Variants in PTPRD observed in about 807,000 individuals in gnomAD.
PTPRD encodes the protein receptor-type tyrosine-protein phosphatase delta.
Under a neutral mutation model 214.5 loss-of-function variants are expected in PTPRD, and 34 were observed. The ratio of observed to expected loss-of-function variants is 0.16; its 90% CI spans 0.12 to 0.21. The LOEUF (loss-of-function observed/expected upper bound fraction) is 0.21, where lower values mean the gene tolerates loss of function less well. Ranked by LOEUF, PTPRD falls within the 10% of genes least tolerant of loss-of-function variation. PTPRD has a pLI of 1.00. For missense variants in PTPRD, 2,545 were observed against 2,398.7 expected, an observed-to-expected ratio of 1.06 and a Z score of -1.27; for synonymous variants, 1,128 against 845.7, an observed-to-expected ratio of 1.33 and a Z score of -5.79.
chr9:10,387,522 G>T (rs139903798), intron 2 of PTPRD, among the ~76,000 whole-genome samples: 1 of 151,784 alleles, frequency 6.6e-6, no homozygotes, highest in Non-Finnish European at 1.5e-5. Flanking sequence ...TCTGGCAATG[G>T]ACCTGGCCTC....
At chr9:8,446,494 C>G (rs2095732630) in intron 34 of PTPRD, among the ~76,000 whole-genome samples, 1 of 152,162 alleles carries the variant, frequency 6.6e-6, no homozygotes, top group Admixed American at 6.5e-5. Flanking sequence ...TCATAACAGA[C>G]CCATCAGAAG....
intron 3 of PTPRD, among the ~76,000 whole-genome samples, chr9:10,239,841 G>C (rs1182074548): frequency 6.6e-6 from 1 of 151,834 alleles, no homozygotes; most frequent in African/African-American, 2.4e-5. Flanking sequence ...TTGCCCCTCA[G>C]TCTCCCCTGA....
At chr9:8,348,298 T>C (rs1004680521) in intron 39 of PTPRD, among the ~76,000 whole-genome samples, 1 of 152,172 alleles carries the variant, frequency 6.6e-6, no homozygotes, top group Admixed American at 6.5e-5. Flanking sequence ...GATGCATCTA[T>C]TGGTTGGCTG....
At chr9:8,714,843 T>C (rs375656425) in intron 12 of PTPRD, among the ~76,000 whole-genome samples, 2 of 152,162 alleles carry the variant, frequency 1.3e-5, no homozygotes, top group African/African-American at 2.4e-5. Context: ...TTTGAACACA[T>C]AATATACTTT....
intron 9 of PTPRD, among the ~76,000 whole-genome samples, chr9:9,345,830 T>C (rs1227155915): frequency 1.3e-5 from 2 of 152,168 alleles, no homozygotes; most frequent in African/African-American, 4.8e-5. Flanking sequence ...AACATTAGGT[T>C]ATTGTGATGA....
chr9:10,014,169 C>G (rs917911940), intron 4 of PTPRD, among the ~76,000 whole-genome samples: 1 of 151,828 alleles, frequency 6.6e-6, no homozygotes, highest in Non-Finnish European at 1.5e-5. Flanking sequence ...TAATACAAAC[C>G]AATTTACTGA....
At chr9:10,184,844 T>C (rs1305112842) in intron 3 of PTPRD, among the ~76,000 whole-genome samples, 2 of 152,232 alleles carry the variant, frequency 1.3e-5, no homozygotes, top group South Asian at 2.1e-4. Context: ...CTGTTTGACA[T>C]AGAGAAAACT....
At chr9:9,413,730 T>G (rs1424211363) in intron 8 of PTPRD, among the ~76,000 whole-genome samples, 1 of 152,196 alleles carries the variant, frequency 6.6e-6, no homozygotes, top group East Asian at 1.9e-4. Context: ...AAGCTCTGAT[T>G]TCCTTACTTG....
intron 9 of PTPRD, among the ~76,000 whole-genome samples, chr9:9,392,060 G>A (rs1470121195): frequency 6.6e-6 from 1 of 152,202 alleles, no homozygotes; most frequent in African/African-American, 2.4e-5. Context: ...TAGTCCTAGA[G>A]ACAAATATTC....
chr9:8,349,627 T>C (rs1306115289), intron 39 of PTPRD, among the ~76,000 whole-genome samples: 2 of 152,126 alleles, frequency 1.3e-5, no homozygotes, highest in Non-Finnish European at 2.9e-5. Flanking sequence ...TCTGTCAGAG[T>C]AGTTGCCAAG....
At chr9:8,463,469 T>C (rs947867862) in intron 32 of PTPRD, among the ~76,000 whole-genome samples, 2 of 151,922 alleles carry the variant, frequency 1.3e-5, no homozygotes, top group Non-Finnish European at 2.9e-5. Flanking sequence ...AACAGTTTCA[T>C]AGACAGAACT....
chr9:8,810,039 T>G (rs187518040), intron 11 of PTPRD, among the ~76,000 whole-genome samples: 100 of 152,296 alleles, frequency 6.6e-4, no homozygotes, highest in Non-Finnish European at 1.3e-3. Context: ...GGGCCCCAAG[T>G]GCTCCCCTAA....
chr9:8,460,054 CAATT>C (rs770929651), intron 33 of PTPRD, among the ~76,000 whole-genome samples: 2 of 152,034 alleles, frequency 1.3e-5, no homozygotes, highest in Non-Finnish European at 2.9e-5. Flanking sequence ...TGAAATCGAG[CAATT>C]AATTATCTAA....
chr9:8,860,771 C>A (rs1417839750), intron 11 of PTPRD: 2 of 152,084 alleles, frequency 1.3e-5, no homozygotes, highest in Non-Finnish European at 2.9e-5. Context: ...GAAATTACCT[C>A]GTTTTTACAG....
chr9:9,071,963 C>T (rs560719480), intron 10 of PTPRD, among the ~76,000 whole-genome samples: 1 of 152,238 alleles, frequency 6.6e-6, no homozygotes, highest in South Asian at 2.1e-4. Flanking sequence ...GTTTTGCAGT[C>T]TTGCTTCACA....
At chr9:9,020,452 T>A (rs1478839784) in intron 10 of PTPRD, among the ~76,000 whole-genome samples, 1 of 152,086 alleles carries the variant, frequency 6.6e-6, no homozygotes, top group African/African-American at 2.4e-5. Context: ...AGATGCTGGA[T>A]TGATTCATGA....
chr9:10,294,747 T>C (rs1177115817), intron 3 of PTPRD, among the ~76,000 whole-genome samples: 1 of 151,960 alleles, frequency 6.6e-6, no homozygotes, highest in Non-Finnish European at 1.5e-5. Context: ...ATTAGGTGGA[T>C]TGTAATTTCT....
chr9:8,810,487 G>A (rs1434108020), intron 11 of PTPRD, among the ~76,000 whole-genome samples: 1 of 152,104 alleles, frequency 6.6e-6, no homozygotes, highest in Admixed American at 6.5e-5. Flanking sequence ...GCATTAGGAT[G>A]TCCTAAAAAG....
At chr9:10,211,322 C>A (rs2099515838) in intron 3 of PTPRD, among the ~76,000 whole-genome samples, 2 of 152,094 alleles carry the variant, frequency 1.3e-5, no homozygotes, top group Admixed American at 6.6e-5. Flanking sequence ...AGGGCAAATG[C>A]GTCTGAAGAC....
Sources: gnomAD v4.1 joint callset for allele counts (sites outside exome capture counted in the v4.1 genomes callset) on GRCh38, gnomAD v4.1.1 for gene constraint, MANE v1.5 for transcripts, NCBI Gene and HGNC (gene_info 2026-07-23, HGNC 2026-07-21) for gene names.